TTN: variants seen among roughly 807,000 people sequenced by gnomAD.
TTN encodes the protein titin, also known as connectin.
Under a neutral mutation model 3,223.0 loss-of-function variants are expected in TTN, and 1,525 were observed. The ratio of observed to expected loss-of-function variants is 0.47; its 90% CI spans 0.45 to 0.49. TTN has a LOEUF of 0.49. TTN is among the 20% of genes least tolerant of loss of function. The probability of loss-of-function intolerance (pLI) is 0.00; values close to 1 mark genes in which losing one functional copy is unlikely to be tolerated. For missense variants in TTN, 40,786 were observed against 43,424.0 expected (o/e 0.94, Z 5.40); for synonymous variants, 14,094 against 15,161.0 (o/e 0.93, Z 5.17).
At position 178,770,695 on chromosome 2, in the gene TTN, T is replaced by C. The variant is rs1031929191; in HGVS notation, c.8117-20A>G. On this transcript the variant is annotated intron_variant, in intron 34 of 362. Transcript: ENST00000589042. ...TGACAGCTAAAGACAAATTTATGAT[T>C]GGGTTAGAAAATATAGATGACATCA... 7 of 1,606,604 alleles carry C rather than the reference T, an allele frequency of 4.4e-6. No homozygotes were observed. Among genetic ancestry groups the C allele is most frequent in the Non-Finnish European group, 5.9e-6 (7 of 1,179,678 alleles).
At chr2:178,600,126 A>T (rs957890110) in intron 288 of TTN, among the ~76,000 whole-genome samples, 2 of 151,948 alleles carry the variant, frequency 1.3e-5, no homozygotes, top group Admixed American at 1.3e-4. Flanking sequence ...GTATTATTAT[A>T]TTCTCATATC....
Position 178,545,566 on chromosome 2 carries a change from C to T in TTN, c.95544G>A (p.Glu31848=), listed in dbSNP as rs780704803. Residue 31848 remains glutamate, a synonymous_variant, in exon 344 of 363, where the codon GAG becomes GAA. Coordinates refer to ENST00000589042, the MANE Select transcript of TTN (RefSeq NM_001267550.2). ...EISNYLVDKR[E]KKSLRWTRVN... is the part of the protein sequence containing the mutation. ...CACGTGTCCAGCGCAGGCTCTTCTT[C>T]TCACGTTTGTCTACTAGGTAGTTGC... is the stretch of plus-strand genomic sequence containing the variant. 6.8e-6 allele frequency: 11 copies of T among 1,613,756 alleles called. No homozygotes were observed. The highest frequency in any genetic ancestry group is 9.3e-6 in the Non-Finnish European group (11 of 1,179,708).
At position 178,723,628 on chromosome 2, in the gene TTN, T is replaced by G. The variant is rs2078823512; in HGVS notation, c.21472A>C (p.Ser7158Arg). 6.2e-7 allele frequency: 1 copy of G among 1,611,634 alleles called. No homozygotes were observed. The highest frequency in any genetic ancestry group is 1.3e-5 in the African/African-American group (1 of 74,794). Residue 7158 changes from serine to arginine, a missense_variant, in exon 74 of 363, where the codon AGC becomes CGC. Coordinates refer to ENST00000589042, the MANE Select transcript of TTN (RefSeq NM_001267550.2). ...AATGGAGGGGTTCCTCTAATAACGCTTGTGAAGGTTACATTTTTGCCTGGT... is the reference window on the plus strand; with the variant it reads ...AATGGAGGGGTTCCTCTAATAACGCGTGTGAAGGTTACATTTTTGCCTGGT... ...VLPGKNVTFT[S>R]VIRGTPPFKV...
At chr2:178,598,163 T>C (rs1005435472) in intron 292 of TTN, 105 bp from the exon 293 acceptor site, 10 of 1,315,160 alleles carry the variant, frequency 7.6e-6, no homozygotes, top group Middle Eastern at 3.9e-4. Context: ...CTGTTTACTC[T>C]GGGAAAATTG....
At chr2:178,699,556 C>T (rs1316882696) in intron 111 of TTN, among the ~76,000 whole-genome samples, 5 of 142,520 alleles carry the variant, frequency 3.5e-5, no homozygotes, top group Non-Finnish European at 7.6e-5. Flanking sequence ...GGACTACAGG[C>T]GCCCGCCACC....
In TTN at chr2:178,578,938, C is replaced by T. The variant is rs1022194199; in HGVS notation, c.68092G>A (p.Val22698Ile). 6.2e-7 allele frequency: 1 copy of T among 1,613,160 alleles called. No individual in the cohort carries two copies. Among genetic ancestry groups the T allele is most frequent in the Admixed American group, 1.7e-5 (1 of 59,950 alleles). Residue 22698 changes from valine (V) to isoleucine (I), a missense_variant, in exon 320 of 363, where the codon GTC (valine) becomes ATC (isoleucine). Val to Ile is a conservative substitution (Grantham distance 29). Transcript: ENST00000589042. ...NNKWVTCASAVQKTTFRVTRL... is the reference protein window; with the variant it reads ...NNKWVTCASAIQKTTFRVTRL... ...GTTACTCTAAAGGTGGTTTTCTGGA[C>T]AGCTGAGGCGCACGTCACCCACTTG...
intron 159 of TTN, 30 bp downstream of exon 159, chr2:178,669,342 GA>G: frequency 6.7e-7 from 1 of 1,498,874 alleles, no homozygotes; most frequent in Non-Finnish European, 8.9e-7. Context: ...TAAATGAAAC[GA>G]AAAAGAACCA....
Position 178,732,508 on chromosome 2 carries a change from C to T in TTN, c.16553G>A (p.Gly5518Asp). 2.5e-6 allele frequency: 4 copies of T among 1,613,698 alleles called. No homozygotes were observed. The highest frequency in any genetic ancestry group is 3.4e-6 in the Non-Finnish European group (4 of 1,179,732). Residue 5518 changes from glycine (G) to aspartate (D), a missense_variant, in exon 56 of 363, where the codon GGC (glycine) becomes GAC (aspartate). Transcript: ENST00000589042. ...ATTGCTGACTTTACATGTGTACGTG[C>T]CCGAATCAGAGGTTTTTACTAAATA... ...ELYLVKTSDS[G>D]TYTCKVSNVA...
chr2:178,617,954 G>C lies in TTN; in HGVS notation c.47397C>G (p.Asp15799Glu), dbSNP rs762148576. The C allele has an allele frequency of 6.2e-7, 1 of 1,612,606 alleles. No individual in the cohort carries two copies. The highest frequency in any genetic ancestry group is 8.5e-7 in the Non-Finnish European group (1 of 1,179,090). ...EITNYVIELR[D>E]KTSIRWDTAM... Reference sequence around the variant, plus strand: ...CAGTATCCCACCTGATAGAAGTCTTGTCTCTTAATTCAATGACGTAGTTTG... The same window carrying C: ...CAGTATCCCACCTGATAGAAGTCTTCTCTCTTAATTCAATGACGTAGTTTG... Residue 15799 changes from aspartate (D) to glutamate (E), a missense_variant, in exon 253 of 363, where the codon GAC (aspartate) becomes GAG (glutamate). Asp to Glu is a conservative substitution (Grantham distance 45). Transcript: ENST00000589042.
Position 178,578,983 on chromosome 2 carries a change from T to C in TTN, c.68047A>G (p.Lys22683Glu). 4 of 1,613,210 alleles carry C rather than the reference T, an allele frequency of 2.5e-6. No individual in the cohort carries two copies. Among genetic ancestry groups the C allele is most frequent in the Non-Finnish European group, 3.4e-6 (4 of 1,179,492 alleles). The change falls in exon 320 of 363, where the codon AAG becomes GAG. Residue 22683 changes from lysine (K) to glutamate (E), a missense_variant. By Grantham distance (56) the Lys-to-Glu change is moderately conservative (BLOSUM62 1). Transcript: ENST00000589042. ...GSEITNYILE[K>E]RDSVNNKWVT... ...CACTTGTTGTTCACAGAATCCCTCT[T>C]CTCTAGGATATAGTTGGTGATTTCA...
chr2:178,800,807 GTCC>G, intron 3 of TTN, 125 bp from the exon 4 acceptor site: 1 of 1,105,966 alleles, frequency 9.0e-7, no homozygotes, highest in African/African-American at 1.6e-5. Context: ...ATCCTTGAAT[GTCC>G]TTGAACCCAG....
At position 178,567,750 on chromosome 2, in the gene TTN, G is replaced by T; in HGVS notation, c.78382C>A (p.Arg26128Ser). 1.2e-6 allele frequency: 2 copies of T among 1,612,970 alleles called. No individual in the cohort carries two copies. Among genetic ancestry groups the T allele is most frequent in the Non-Finnish European group, 1.7e-6 (2 of 1,179,224 alleles). Residue 26128 changes from arginine (R) to serine (S), a missense_variant, in exon 326 of 363, where the codon CGT becomes AGT. By Grantham distance (110) the Arg-to-Ser change is moderately radical. Coordinates refer to ENST00000589042, the MANE Select transcript of TTN (RefSeq NM_001267550.2). The stretch of plus-strand genomic sequence containing the variant: ...ATCCAACGACCATCAGGCAAATCAC[G>T]TTTCTCTACAATGTAGCCTGTAATC... ...SMITGYIVEKRDLPDGRWMKA... is the reference protein window; with the variant it reads ...SMITGYIVEKSDLPDGRWMKA...
intron 10 of TTN, among the ~76,000 whole-genome samples, chr2:178,791,694 T>C (rs1156512338): frequency 6.6e-6 from 1 of 150,874 alleles, no homozygotes; most frequent in African/African-American, 2.5e-5. Flanking sequence ...TGTGTGCATG[T>C]GTGTGTGCAT....
chr2:178,756,064 G>A (rs2086834314), intron 46 of TTN, among the ~76,000 whole-genome samples, 158 bp downstream of exon 46: 1 of 152,130 alleles, frequency 6.6e-6, no homozygotes, highest in Non-Finnish European at 1.5e-5. Flanking sequence ...GATAATCATG[G>A]CCAATGACTT....
At chr2:178,713,865 T>C (rs2077069084) in intron 92 of TTN, 32 bp downstream of exon 92, 3 of 1,604,734 alleles carry the variant, frequency 1.9e-6, no homozygotes, top group Non-Finnish European at 2.6e-6. Flanking sequence ...ATTATTATAA[T>C]GATGAAGGAA....
At position 178,680,063 on chromosome 2, in the gene TTN, G is replaced by T. The variant is rs571933515; in HGVS notation, c.33419-8C>A. On this transcript the variant is annotated splice_region_variant and splice_polypyrimidine_tract_variant and intron_variant, in intron 139 of 362. Coordinates refer to ENST00000589042, the MANE Select transcript of TTN (RefSeq NM_001267550.2). ...CTTTAGGCACTTCTGGCACTTTAAA[G>T]ATATTATCTTTAAGTTGGACATTTG... 2 of 1,610,522 alleles carry T rather than the reference G, an allele frequency of 1.2e-6. No individual in the cohort carries two copies. Among genetic ancestry groups the T allele is most frequent in the African/African-American group, 1.3e-5 (1 of 74,564 alleles).
At chr2:178,691,292 G>T (rs1018858037) in intron 121 of TTN, among the ~76,000 whole-genome samples, 8 of 152,128 alleles carry the variant, frequency 5.3e-5, no homozygotes, top group African/African-American at 1.9e-4. Flanking sequence ...TGTAGCTTCA[G>T]TGCTTCAATA....
Position 178,552,539 on chromosome 2 carries a change from T to C in TTN, c.90361A>G (p.Thr30121Ala), listed in dbSNP as rs1028805894. The change falls in exon 335 of 363, where the codon ACA becomes GCA. Residue 30121 changes from threonine to alanine, a missense_variant. Coordinates refer to ENST00000589042, the MANE Select transcript of TTN (RefSeq NM_001267550.2). ...GGTGTAATAATAAGTTCTTTCACTG[T>C]AATTGGCCCAATAGTGACAGGATCA... ...LSDPVTIGPI[T>A]VKELIITPEV... 4.3e-6 allele frequency: 7 copies of C among 1,613,690 alleles called. No individual in the cohort carries two copies. The highest frequency in any genetic ancestry group is 1.7e-5 in the Admixed American group (1 of 59,988).
In TTN at chr2:178,712,692, C is replaced by T. The variant is rs397517521; in HGVS notation, c.27328+5G>A. 286 of 1,610,632 alleles carry T rather than the reference C, an allele frequency of 1.8e-4. 2 individuals are homozygous for T. The South Asian group carries it at 2.9e-3, about 17-fold the overall frequency. On this transcript the variant is annotated splice_donor_5th_base_variant and intron_variant, in intron 94 of 362. Transcript: ENST00000589042. The stretch of plus-strand genomic sequence containing the variant: ...GTATAAATCTAGAAGAGCAGTCTGA[C>T]AAACCTTTTATGTAGAGATGTGTTG...
Sources: allele counts gnomAD v4.1 joint callset (sites outside exome capture counted in the v4.1 genomes callset), GRCh38; gene constraint gnomAD v4.1.1; transcripts MANE v1.5; gene names NCBI Gene and HGNC (gene_info 2026-07-23, HGNC 2026-07-21).